The following VWA5B1 variants were observed in gnomAD, a reference collection of about 807,000 sequenced individuals.
VWA5B1 encodes the protein von Willebrand factor A domain-containing protein 5B1.
In VWA5B1, 115 loss-of-function variants were observed where a neutral mutation model predicts 118.2. The observed-to-expected ratio is 0.97, with a 90% CI of 0.84 to 1.14. The LOEUF (loss-of-function observed/expected upper bound fraction) is 1.14, where lower values mean the gene tolerates loss of function less well. VWA5B1 is among the 50% of genes most tolerant of loss of function. VWA5B1 has a pLI of 0.00. For missense variants in VWA5B1, 1,596 were observed against 1,603.8 expected (o/e 1.00, Z 0.08); for synonymous variants, 682 against 658.4 (o/e 1.04, Z -0.55).
intron 1 of VWA5B1, among the ~76,000 whole-genome samples, chr1:20,301,664 C>A (rs1570047735): frequency 2.0e-5 from 3 of 152,246 alleles, no homozygotes; most frequent in South Asian, 4.1e-4. Context: ...CCCCTCAGCA[C>A]ACGGGAAGCG....
intron 10 of VWA5B1, 95 bp from the exon 11 acceptor site, chr1:20,330,774 G>A: frequency 7.8e-7 from 1 of 1,284,338 alleles, no homozygotes; most frequent in South Asian, 1.3e-5. Flanking sequence ...CCAGCTCCAA[G>A]ATCCTGCCAG....
intron 17 of VWA5B1, among the ~76,000 whole-genome samples, chr1:20,347,495 A>T (rs2090031664): frequency 6.6e-6 from 1 of 151,760 alleles, no homozygotes; most frequent in Non-Finnish European, 1.5e-5. Flanking sequence ...GTTAGAGTGC[A>T]GTGACACAAT....
Position 20,330,368 on chromosome 1 carries a change from C to T in VWA5B1, c.1443C>T (p.His481=), listed in dbSNP as rs1014707864. ...AGGTGCTGGAGCTGGTGCGAAATCA[C>T]GCCTTCTCCACCAGGTCGGCCTTGG... is the stretch of plus-strand genomic sequence containing the variant. ...TGKVLELVRN[H]AFSTRCYSFG... The change falls in exon 10 of 22, where the codon CAC becomes CAT. Residue 481 remains histidine, a synonymous_variant. Transcript: ENST00000289815. The T allele has an allele frequency of 2.1e-5, 33 of 1,551,600 alleles. No individual in the cohort carries two copies. The highest frequency in any genetic ancestry group is 1.7e-4 in the Middle Eastern group (1 of 6,014).
chr1:20,351,231 G>T (rs188445820), intron 20 of VWA5B1, among the ~76,000 whole-genome samples: 1 of 152,292 alleles, frequency 6.6e-6, no homozygotes, highest in Admixed American at 6.5e-5. Context: ...GTAAAAGAGG[G>T]TCACAATCCA....
chr1:20,324,803 CA>C (rs2089327318), intron 8 of VWA5B1, among the ~76,000 whole-genome samples: 1 of 152,136 alleles, frequency 6.6e-6, no homozygotes. Flanking sequence ...GAATCATACA[CA>C]GGACCCAAGT....
chr1:20,350,991 G>A, intron 20 of VWA5B1, 65 bp downstream of exon 20: 1 of 1,494,440 alleles, frequency 6.7e-7, no homozygotes, highest in East Asian at 2.5e-5. Context: ...GGTCCCTGGG[G>A]TTTTCCCTGA....
At position 20,354,250 on chromosome 1, in the gene VWA5B1, C is replaced by A. The variant is rs750252051; in HGVS notation, c.3635C>A (p.Pro1212Gln). ...GAGTTCAATATGCTCTGCTATAACC[C>A]GAATTATGTGTAGTTGAGTGACGGG... ...NLEFNMLCYN[P>Q]NYV The change falls in exon 22 of 22, where the codon CCG becomes CAG. Residue 1212 changes from proline (P) to glutamine (Q), a missense_variant. Coordinates refer to ENST00000289815, the MANE Select transcript of VWA5B1 (RefSeq NM_001039500.3). 2 of 1,544,292 alleles carry A rather than the reference C, an allele frequency of 1.3e-6. No homozygotes were observed. The highest frequency in any genetic ancestry group is 1.7e-6 in the Non-Finnish European group (2 of 1,143,208).
intron 13 of VWA5B1, 122 bp downstream of exon 13, chr1:20,336,608 T>A: frequency 1.9e-6 from 2 of 1,077,296 alleles, no homozygotes; most frequent in Non-Finnish European, 2.4e-6. Context: ...TTATACCCAC[T>A]TTACAGATGA....
At position 20,312,856 on chromosome 1, in the gene VWA5B1, G is replaced by A; in HGVS notation, c.160G>A (p.Asp54Asn). The A allele has an allele frequency of 3.2e-6, 5 of 1,551,328 alleles. No homozygotes were observed. Among genetic ancestry groups the A allele is most frequent in the Non-Finnish European group, 2.6e-6 (3 of 1,146,752 alleles). ...PFQGLFVYPL[D>N]ECTTVIGFEA... ...GACAGGCCTCTTCGTGTACCCCCTG[G>A]ATGAGTGCACCACGGTGATCGGCTT... Residue 54 changes from aspartate to asparagine, a missense_variant, in exon 3 of 22, where the codon GAT (aspartate) becomes AAT (asparagine). Asp to Asn is a conservative substitution (Grantham distance 23). Coordinates refer to ENST00000289815, the MANE Select transcript of VWA5B1 (RefSeq NM_001039500.3).
At chr1:20,351,981 C>G in intron 20 of VWA5B1, 74 bp from the exon 21 acceptor site, 1 of 1,208,382 alleles carries the variant, frequency 8.3e-7, no homozygotes, top group Middle Eastern at 1.9e-4. Context: ...TTCCTTCTGA[C>G]CCTGACTTTC....
intron 11 of VWA5B1, 64 bp downstream of exon 11, chr1:20,331,047 A>C: frequency 1.5e-6 from 2 of 1,367,090 alleles, no homozygotes; most frequent in Non-Finnish European, 2.0e-6. Flanking sequence ...GACCAGTCAC[A>C]TGGCAACTCA....
At chr1:20,305,854 C>A (rs182016553) in intron 1 of VWA5B1, among the ~76,000 whole-genome samples, 1 of 151,940 alleles carries the variant, frequency 6.6e-6, no homozygotes, top group Non-Finnish European at 1.5e-5. Context: ...TGGAGCCGCC[C>A]CTGACCTCAT....
chr1:20,315,635 A>T (rs1197359331), intron 4 of VWA5B1, among the ~76,000 whole-genome samples: 5 of 152,166 alleles, frequency 3.3e-5, no homozygotes, highest in African/African-American at 9.7e-5. Flanking sequence ...TTCTAGAGGG[A>T]ATATTTTGTG....
chr1:20,303,994 A>C (rs1022304603), intron 1 of VWA5B1, among the ~76,000 whole-genome samples: 4 of 152,180 alleles, frequency 2.6e-5, no homozygotes, highest in Admixed American at 6.5e-5. Flanking sequence ...CTGAACCTGG[A>C]AATTGGGAGT....
At chr1:20,339,215 C>A (rs147335320) in intron 14 of VWA5B1, 31 of 152,286 alleles carry the variant, frequency 2.0e-4, no homozygotes, top group African/African-American at 6.5e-4. Flanking sequence ...GCACCATTGT[C>A]CTAAACCAAA....
At chr1:20,291,371 C>CTCTCTCTCTA (rs2088300185) in intron 1 of VWA5B1, among the ~76,000 whole-genome samples, 1 of 139,750 alleles carries the variant, frequency 7.2e-6, no homozygotes, top group Non-Finnish European at 1.5e-5. Flanking sequence ...CTCTCTCTCT[C>CTCTCTCTCTA]TCTCTCTCTC....
intron 2 of VWA5B1, 21 bp downstream of exon 2, chr1:20,310,761 C>A: frequency 6.6e-7 from 1 of 1,519,246 alleles, no homozygotes; most frequent in Non-Finnish European, 8.8e-7. Flanking sequence ...CTGCTGGGGC[C>A]TCCCCGGGAC....
chr1:20,354,011 G>C lies in VWA5B1; in HGVS notation c.3396G>C (p.Val1132=), dbSNP rs2090183234. Residue 1132 remains valine, a synonymous_variant, in exon 22 of 22, where the codon GTG becomes GTC. Coordinates refer to ENST00000289815, the MANE Select transcript of VWA5B1 (RefSeq NM_001039500.3). ...KGKLGLEPRA[V]VEHTGKLWAT... is the part of the protein sequence containing the mutation. Reference sequence around the variant, plus strand: ...AGCTGGGCCTGGAGCCGAGGGCAGTGGTGGAGCACACTGGGAAGCTGTGGG... The same window carrying C: ...AGCTGGGCCTGGAGCCGAGGGCAGTCGTGGAGCACACTGGGAAGCTGTGGG... 1 of 1,551,612 alleles carries C rather than the reference G, an allele frequency of 6.4e-7. No individual in the cohort carries two copies. Among genetic ancestry groups the C allele is most frequent in the African/African-American group, 1.4e-5 (1 of 73,058 alleles).
intron 17 of VWA5B1, 136 bp downstream of exon 17, chr1:20,345,729 C>T: frequency 1.5e-6 from 2 of 1,304,380 alleles, no homozygotes; most frequent in Non-Finnish European, 1.0e-6. Flanking sequence ...GAAAGGCCCC[C>T]AGTGGATGAT....
Sources: gnomAD v4.1 joint callset for allele counts (sites outside exome capture counted in the v4.1 genomes callset) on GRCh38, gnomAD v4.1.1 for gene constraint, MANE v1.5 for transcripts, NCBI Gene and HGNC (gene_info 2026-07-23, HGNC 2026-07-21) for gene names.